ADAM23: variants seen among roughly 807,000 people sequenced by gnomAD.
The protein encoded by ADAM23 is disintegrin and metalloproteinase domain-containing protein 23.
Under a neutral mutation model 120.1 loss-of-function variants are expected in ADAM23, and 33 were observed. The observed-to-expected ratio is 0.27, with a 90% CI of 0.21 to 0.37. The LOEUF (loss-of-function observed/expected upper bound fraction) is 0.37, where lower values mean the gene tolerates loss of function less well. Ranked by LOEUF, ADAM23 falls within the 10% of genes least tolerant of loss-of-function variation. The probability of loss-of-function intolerance (pLI) is 1.00; values close to 1 mark genes in which losing one functional copy is unlikely to be tolerated. For missense variants in ADAM23, 862 were observed against 1,058.2 expected (o/e 0.81, Z 2.57); for synonymous variants, 367 against 375.2 (o/e 0.98, Z 0.25).
intron 25 of ADAM23, among the ~76,000 whole-genome samples, chr2:206,611,097 A>C (rs1016014735): frequency 3.3e-5 from 5 of 152,248 alleles, no homozygotes; most frequent in Non-Finnish European, 5.9e-5. Flanking sequence ...GAAGCTGATT[A>C]AAGAAACCAA....
At position 206,445,338 on chromosome 2, in the gene ADAM23, T is replaced by C; in HGVS notation, c.246T>C (p.Asn82=). Residue 82 remains asparagine (N), a synonymous_variant, in exon 2 of 26, where the codon AAT becomes AAC. Transcript: ENST00000264377. ...ATTGGAATGAAACTGCAGAAAAAAA[T>C]TTGGGAGTCCTGGCAGATGAAGACA... ...APHWNETAEK[N]LGVLADEDNT... 3 of 1,612,308 alleles carry C rather than the reference T, an allele frequency of 1.9e-6. No individual in the cohort carries two copies. Among genetic ancestry groups the C allele is most frequent in the Non-Finnish European group, 2.5e-6 (3 of 1,179,188 alleles).
chr2:206,500,995 T>A lies in ADAM23; in HGVS notation c.509+19687T>A, dbSNP rs188839912. On this transcript the variant is annotated intron_variant, in intron 3 of 25. Coordinates refer to ENST00000264377, the MANE Select transcript of ADAM23 (RefSeq NM_003812.4). ...AAGGCTAAGAGGTGAGCCACTCACTTTTTTTTTTTTTTGACTTAGTTGTGT... is the reference window on the plus strand; with the variant it reads ...AAGGCTAAGAGGTGAGCCACTCACTATTTTTTTTTTTTGACTTAGTTGTGT... Among the ~76,000 whole-genome samples, 807 of 146,812 alleles carry A rather than the reference T, an allele frequency of 5.5e-3. 16 individuals are homozygous for A. The highest frequency in any genetic ancestry group is 0.019 in the African/African-American group (779 of 40,734).
rs80091430 is a variant in ADAM23 at position 206,485,299 on chromosome 2, T to A, written c.509+3991T>A. Among the ~76,000 whole-genome samples the A allele has an allele frequency of 1.6e-4, 25 of 152,320 alleles. No homozygotes were observed. In the East Asian group the frequency reaches 4.6e-3, roughly 28 times the overall value. On this transcript the variant is annotated intron_variant, in intron 3 of 25. Transcript: ENST00000264377. The stretch of plus-strand genomic sequence containing the variant: ...AAAGGTAGAGAGTCAGGAGAATGTT[T>A]AAGTCAGTAATAGAGGACCCAAAAG...
intron 3 of ADAM23, among the ~76,000 whole-genome samples, chr2:206,521,119 T>C (rs1021238419): frequency 3.3e-5 from 5 of 152,158 alleles, no homozygotes; most frequent in African/African-American, 1.2e-4. Context: ...AATTTTCTCC[T>C]TGAGGGCTGC....
At chr2:206,582,179 A>G (rs1264443604) in intron 18 of ADAM23, among the ~76,000 whole-genome samples, 2 of 152,122 alleles carry the variant, frequency 1.3e-5, no homozygotes, top group Non-Finnish European at 2.9e-5. Flanking sequence ...CGCCCGGCCA[A>G]CATTTCTTAG....
chr2:206,506,346 G>T (rs1340196367), intron 3 of ADAM23, among the ~76,000 whole-genome samples: 8 of 152,146 alleles, frequency 5.3e-5, no homozygotes, highest in Admixed American at 3.3e-4. Flanking sequence ...CCTGTAGGAT[G>T]GTAGGAAAAT....
intron 3 of ADAM23, among the ~76,000 whole-genome samples, chr2:206,484,659 A>C (rs1366792514): frequency 1.3e-5 from 2 of 152,150 alleles, no homozygotes; most frequent in African/African-American, 4.8e-5. Context: ...CTGGGGACAA[A>C]TGGAGGTCTC....
intron 6 of ADAM23, among the ~76,000 whole-genome samples, 171 bp from the exon 7 acceptor site, chr2:206,547,256 CTT>C (rs925726021): frequency 6.6e-6 from 1 of 152,136 alleles, no homozygotes; most frequent in Non-Finnish European, 1.5e-5. Context: ...AGATGATACT[CTT>C]TTATTTAAAA....
At chr2:206,542,966 A>C (rs1238225281) in intron 5 of ADAM23, among the ~76,000 whole-genome samples, 1 of 152,198 alleles carries the variant, frequency 6.6e-6, no homozygotes, top group Non-Finnish European at 1.5e-5. Flanking sequence ...ATCTCAGAGT[A>C]ATTTTCTAAT....
At chr2:206,500,262 A>G (rs1030225874) in intron 3 of ADAM23, among the ~76,000 whole-genome samples, 2 of 152,092 alleles carry the variant, frequency 1.3e-5, no homozygotes, top group South Asian at 4.1e-4. Context: ...AAAGAAAACT[A>G]GTGTTTTTGT....
At chr2:206,550,063 C>G (rs1270323707) in intron 8 of ADAM23, 32 bp from the exon 9 acceptor site, 2 of 1,393,642 alleles carry the variant, frequency 1.4e-6, no homozygotes, top group Admixed American at 3.6e-5. Context: ...ATGTCAATCA[C>G]TATTCTGACC....
At chr2:206,517,032 TAGTA>T (rs1696748187) in intron 3 of ADAM23, among the ~76,000 whole-genome samples, 2 of 152,052 alleles carry the variant, frequency 1.3e-5, no homozygotes, top group African/African-American at 4.8e-5. Flanking sequence ...AATAAAATAA[TAGTA>T]AGCTTGCTAA....
chr2:206,543,223 CCCT>C, intron 5 of ADAM23, 27 bp from the exon 6 acceptor site: 1 of 1,604,076 alleles, frequency 6.2e-7, no homozygotes, highest in African/African-American at 1.3e-5. Context: ...TTTGTTTATT[CCCT>C]CCTTTGTGTG....
chr2:206,542,674 G>T (rs1203516353), intron 5 of ADAM23, among the ~76,000 whole-genome samples: 1 of 152,264 alleles, frequency 6.6e-6, no homozygotes, highest in Admixed American at 6.5e-5. Context: ...TGACGACAAA[G>T]AATCTTGAAA....
At chr2:206,544,046 C>A (rs1157399883) in intron 6 of ADAM23, among the ~76,000 whole-genome samples, 1 of 152,038 alleles carries the variant, frequency 6.6e-6, no homozygotes, top group East Asian at 1.9e-4. Context: ...ATGGGTGCAC[C>A]TAAATCTCAG....
At chr2:206,477,150 A>G (rs772224949) in intron 2 of ADAM23, among the ~76,000 whole-genome samples, 2 of 152,186 alleles carry the variant, frequency 1.3e-5, no homozygotes, top group Non-Finnish European at 2.9e-5. Context: ...TAATGTCATA[A>G]CATTGCTTGA....
At chr2:206,578,875 C>T (rs1470558798) in intron 18 of ADAM23, among the ~76,000 whole-genome samples, 1 of 152,106 alleles carries the variant, frequency 6.6e-6, no homozygotes, top group African/African-American at 2.4e-5. Flanking sequence ...GAAGTGTTCC[C>T]TGTTCACTGC....
chr2:206,570,594 C>A, intron 15 of ADAM23, 146 bp from the exon 16 acceptor site: 1 of 608,932 alleles, frequency 1.6e-6, no homozygotes, highest in Non-Finnish European at 3.0e-6. Context: ...CCCATACAGT[C>A]ATCATTTATA....
intron 3 of ADAM23, among the ~76,000 whole-genome samples, chr2:206,498,476 C>T (rs574470343): frequency 2.4e-4 from 37 of 152,262 alleles, no homozygotes; most frequent in Non-Finnish European, 4.0e-4. Context: ...GGATCCCTTC[C>T]TTACACCTTA....
Sources: gnomAD v4.1 joint callset for allele counts (sites outside exome capture counted in the v4.1 genomes callset) on GRCh38, gnomAD v4.1.1 for gene constraint, MANE v1.5 for transcripts, NCBI Gene and HGNC (gene_info 2026-07-23, HGNC 2026-07-21) for gene names.